URB1: variants seen among roughly 807,000 people sequenced by gnomAD.
URB1 encodes URB1 ribosome biogenesis factor.
In URB1, 197 loss-of-function variants were observed where a neutral mutation model predicts 242.3. That is an observed-to-expected ratio of 0.81 (90% CI 0.72 to 0.91). The LOEUF is 0.91. URB1 is among the 40% of genes least tolerant of loss of function. The pLI is 0.00. For synonymous variants in URB1, 1,153 were observed against 1,201.8 expected (o/e 0.96, Z 0.84); for missense variants, 2,721 against 2,860.5 (o/e 0.95, Z 1.11).
intron 1 of URB1, among the ~76,000 whole-genome samples, chr21:32,389,560 C>A (rs1014176793): frequency 6.6e-6 from 1 of 152,158 alleles, no homozygotes; most frequent in African/African-American, 2.4e-5. Context: ...AGAGGGGGAG[C>A]AGACAGATTC....
chr21:32,314,920 A>C lies in URB1; in HGVS notation c.6814T>G (p.Ter2272GlyextTer21), dbSNP rs1237012991. The change falls in exon 39 of 39, where the codon TGA becomes GGA. Residue 2272 changes from the stop codon to glycine, a stop_lost. Coordinates refer to ENST00000382751, the MANE Select transcript of URB1 (RefSeq NM_014825.3). ...KDAASAASDA[*>G] ...TGCAAGGTGCTGGCCGGCAGGAGTC[A>C]AGCATCTGAGGCTGCGCTGGCGGCG... 6.5e-7 allele frequency: 1 copy of C among 1,549,924 alleles called. No homozygotes were observed. Among genetic ancestry groups the C allele is most frequent in the African/African-American group, 1.4e-5 (1 of 73,022 alleles).
rs929001603 is a variant in URB1 at position 32,359,826 on chromosome 21, C to T, written c.1839G>A (p.Pro613=). Residue 613 remains proline (P), a synonymous_variant, in exon 14 of 39, where the codon CCG becomes CCA. Transcript: ENST00000382751. ...HHMLKVALEL[P]ASKFLWLKAQ... Reference sequence around the variant, plus strand: ...CCTTTAACCACAGAAACTTGCTGGCCGGCAGCTCCAGGGCCACCTTCAGCA... The same window carrying T: ...CCTTTAACCACAGAAACTTGCTGGCTGGCAGCTCCAGGGCCACCTTCAGCA... 9.7e-6 allele frequency: 15 copies of T among 1,546,772 alleles called. No individual in the cohort carries two copies. The highest frequency in any genetic ancestry group is 4.0e-5 in the Admixed American group (2 of 49,924).
At chr21:32,326,094 G>A (rs2032826337) in intron 30 of URB1, among the ~76,000 whole-genome samples, 1 of 152,092 alleles carries the variant, frequency 6.6e-6, no homozygotes, top group Non-Finnish European at 1.5e-5. Flanking sequence ...ACACATGAGG[G>A]GATGCGCCTT....
At chr21:32,332,569 C>CAAAAA (rs370649839) in intron 30 of URB1, among the ~76,000 whole-genome samples, 1 of 1,824 alleles carries the variant, frequency 5.5e-4, no homozygotes, top group African/African-American at 2.2e-3. Flanking sequence ...AAACAAAAGA[C>CAAAAA]AAAAAAAAAA....
chr21:32,348,365 C>G (rs1025969813), intron 21 of URB1, among the ~76,000 whole-genome samples: 2 of 152,168 alleles, frequency 1.3e-5, no homozygotes, highest in Non-Finnish European at 2.9e-5. Context: ...CACCGTGTGT[C>G]TACGATCCTG....
Position 32,373,616 on chromosome 21 carries a change from G to A in URB1, c.876+31C>T, listed in dbSNP as rs186338215. The A allele has an allele frequency of 9.8e-4, 1,482 of 1,519,692 alleles. 2 individuals carry two copies. Among genetic ancestry groups the A allele is most frequent in the Admixed American group, 1.6e-3 (70 of 43,022 alleles). The allele number at this position is 1,519,692 out of a possible 1,614,324, so 94.1% of individuals were successfully genotyped here. On this transcript the variant is annotated intron_variant, in intron 7 of 38. Transcript: ENST00000382751. ...ACCCTGAGGATCAAATTCCAACAAC[G>A]AGGTCAACGAAAACCAAAAAGTGTC...
At chr21:32,352,927 T>C (rs781527281) in intron 18 of URB1, 21 bp from the exon 19 acceptor site, 14 of 1,522,892 alleles carry the variant, frequency 9.2e-6, no homozygotes, top group Non-Finnish European at 8.8e-6. Flanking sequence ...ACGAGATGCA[T>C]ATGGGAAGAG....
At position 32,393,002 on chromosome 21, in the gene URB1, A is replaced by G; in HGVS notation, c.-92T>C. 7.2e-7 allele frequency: 1 copy of G among 1,387,926 alleles called. No homozygotes were observed. Among genetic ancestry groups the G allele is most frequent in the Non-Finnish European group, 9.4e-7 (1 of 1,064,378 alleles). 86.0% of individuals were successfully genotyped at this position (1,387,926 alleles called of 1,614,324 possible). On this transcript the variant is annotated 5_prime_UTR_variant, in exon 1 of 39. Transcript: ENST00000382751. ...GACAGCAGACACGCGCTTCAGGCCC[A>G]CATGGCGCAGGAAGAGGCGGGGCTG... is the stretch of plus-strand genomic sequence containing the variant.
intron 31 of URB1, 70 bp downstream of exon 31, chr21:32,325,159 G>A: frequency 6.8e-7 from 1 of 1,479,478 alleles, no homozygotes; most frequent in Admixed American, 2.2e-5. Context: ...TACCAAACCG[G>A]GTGGACAGCC....
At chr21:32,359,744 C>G in intron 14 of URB1, 52 bp downstream of exon 14, 1 of 1,471,756 alleles carries the variant, frequency 6.8e-7, no homozygotes, top group Non-Finnish European at 9.0e-7. Context: ...CAAGAAGCCA[C>G]CCGGCCCAGC....
chr21:32,381,631 A>C (rs965831846), intron 4 of URB1, among the ~76,000 whole-genome samples: 4 of 152,224 alleles, frequency 2.6e-5, no homozygotes, highest in Admixed American at 6.5e-5. Context: ...AGACGGAAAA[A>C]ACCTGAGACC....
intron 1 of URB1, among the ~76,000 whole-genome samples, chr21:32,388,655 C>T (rs2033608402): frequency 6.6e-6 from 1 of 152,192 alleles, no homozygotes; most frequent in Non-Finnish European, 1.5e-5. Context: ...GGCACAGGCA[C>T]CCTGGAGTTA....
chr21:32,319,237 G>C lies in URB1; in HGVS notation c.5772C>G (p.Ile1924Met). The change falls in exon 36 of 39, where the codon ATC (isoleucine) becomes ATG (methionine). Residue 1924 changes from isoleucine to methionine, a missense_variant. Physicochemically the swap from Ile to Met is conservative, Grantham distance 10. Coordinates refer to ENST00000382751, the MANE Select transcript of URB1 (RefSeq NM_014825.3). ...CTCACCTCAGGTGCTTCATGAGCACGATGAGAACATAAAGGAACTCATTGA... is the reference window on the plus strand; with the variant it reads ...CTCACCTCAGGTGCTTCATGAGCACCATGAGAACATAAAGGAACTCATTGA... ...HLVNEFLYVL[I>M]VLMKHLRPTL... The C allele has an allele frequency of 1.0e-5, 16 of 1,550,410 alleles. No homozygotes were observed. Among genetic ancestry groups the C allele is most frequent in the Non-Finnish European group, 1.4e-5 (16 of 1,146,522 alleles).
chr21:32,359,033 C>T (rs182649854), intron 14 of URB1, among the ~76,000 whole-genome samples: 36 of 152,260 alleles, frequency 2.4e-4, no homozygotes, highest in African/African-American at 8.2e-4. Context: ...AACGGGGACT[C>T]GAGGGAGAGA....
intron 21 of URB1, among the ~76,000 whole-genome samples, 178 bp downstream of exon 21, chr21:32,349,126 G>A (rs939301136): frequency 2.0e-5 from 3 of 152,264 alleles, no homozygotes; most frequent in Non-Finnish European, 4.4e-5. Context: ...ACAGGAAAGA[G>A]AAGCCCAAAT....
At chr21:32,356,654 G>T (rs1048064585) in intron 15 of URB1, among the ~76,000 whole-genome samples, 2 of 152,182 alleles carry the variant, frequency 1.3e-5, no homozygotes, top group Non-Finnish European at 2.9e-5. Context: ...TATTCCAACA[G>T]AAGAGAAACT....
intron 17 of URB1, 123 bp from the exon 18 acceptor site, chr21:32,354,226 G>A (rs531221750): frequency 3.6e-6 from 4 of 1,104,190 alleles, no homozygotes; most frequent in South Asian, 1.7e-5. Flanking sequence ...CCTCTTGGGG[G>A]GAGCATTTAA....
intron 19 of URB1, among the ~76,000 whole-genome samples, chr21:32,351,929 T>C (rs1370295466): frequency 1.3e-5 from 2 of 152,166 alleles, no homozygotes; most frequent in Admixed American, 1.3e-4. Context: ...GGTTTCCCCA[T>C]ATGCATAAAG....
At chr21:32,371,561 C>T (rs1450814011) in intron 8 of URB1, among the ~76,000 whole-genome samples, 2 of 152,172 alleles carry the variant, frequency 1.3e-5, no homozygotes, top group Non-Finnish European at 2.9e-5. Flanking sequence ...AATCAAAACA[C>T]GTCCAAAGTC....
Sources: gnomAD v4.1 joint callset for allele counts (sites outside exome capture counted in the v4.1 genomes callset) on GRCh38, gnomAD v4.1.1 for gene constraint, MANE v1.5 for transcripts, NCBI Gene and HGNC (gene_info 2026-07-23, HGNC 2026-07-21) for gene names.